The following CNBD1 variants were observed in gnomAD, a reference collection of about 807,000 sequenced individuals.
CNBD1 encodes cyclic nucleotide-binding domain-containing protein 1.
CNBD1 carries 71 observed loss-of-function variants against 54.4 expected under a neutral mutation model. The observed-to-expected ratio is 1.30, with a 90% CI of 1.08 to 1.59. CNBD1 has a LOEUF of 1.59. Among genes scored for constraint, CNBD1 ranks in the 40% most tolerant of loss-of-function variants. The pLI, the probability that CNBD1 is intolerant of heterozygous loss-of-function variation, is 0.00. For missense variants in CNBD1, 659 were observed against 518.0 expected (o/e 1.27, Z -2.64); for synonymous variants, 182 against 170.7 (o/e 1.07, Z -0.51).
At chr8:86,872,391 TATA>T (rs1347717603) in intron 1 of CNBD1, among the ~76,000 whole-genome samples, 2 of 152,190 alleles carry the variant, frequency 1.3e-5, no homozygotes, top group Admixed American at 6.5e-5. Flanking sequence ...ATTTATTAAT[TATA>T]ATCACATTTT....
At position 87,182,961 on chromosome 8, in the gene CNBD1, C is replaced by A. The variant is rs939826050; in HGVS notation, c.432-23032C>A. Among the ~76,000 whole-genome samples the A allele has an allele frequency of 9.9e-5, 15 of 152,134 alleles. No homozygotes were observed. Among genetic ancestry groups the A allele is most frequent in the Non-Finnish European group, 2.1e-4 (14 of 68,030 alleles). On this transcript the variant is annotated intron_variant, in intron 4 of 10. Coordinates refer to ENST00000518476, the MANE Select transcript of CNBD1 (RefSeq NM_173538.3). This position sits in a 1 kb window ranked among gnomAD's most constrained non-coding sequence, Gnocchi z 4.1. ...TTACAATTGCTTTTGGAGACTTTGA[C>A]ATGAAATTTTTGCTAAGTCCTATGT...
At chr8:86,869,724 T>C (rs1273095228) in intron 1 of CNBD1, among the ~76,000 whole-genome samples, 3 of 152,136 alleles carry the variant, frequency 2.0e-5, no homozygotes, top group Non-Finnish European at 2.9e-5. Context: ...AAAAACATCA[T>C]AGCTAACAAA....
intron 4 of CNBD1, among the ~76,000 whole-genome samples, chr8:87,051,221 A>G (rs1810304227): frequency 6.6e-6 from 1 of 152,168 alleles, no homozygotes; most frequent in South Asian, 2.1e-4. Context: ...CATCACAGTC[A>G]TGCTAGGGGA....
intron 8 of CNBD1, among the ~76,000 whole-genome samples, chr8:87,342,000 G>A (rs184947287): frequency 1.7e-4 from 26 of 152,280 alleles, no homozygotes; most frequent in Non-Finnish European, 1.5e-4. Flanking sequence ...TGGGCTTGGC[G>A]CAGTGGCTCA....
intron 8 of CNBD1, among the ~76,000 whole-genome samples, chr8:87,289,896 C>T (rs904294438): frequency 1.3e-5 from 2 of 152,060 alleles, no homozygotes; most frequent in East Asian, 3.9e-4. Context: ...CTCGAGGTGC[C>T]AGTGATTCAA....
intron 10 of CNBD1, among the ~76,000 whole-genome samples, chr8:87,363,525 T>G (rs1343346097): frequency 6.6e-6 from 1 of 152,176 alleles, no homozygotes; most frequent in Non-Finnish European, 1.5e-5. Flanking sequence ...GTAAGTTTCC[T>G]AACTTTTTAA....
chr8:86,894,720 CACT>C (rs1563813362), intron 2 of CNBD1, among the ~76,000 whole-genome samples: 1 of 152,090 alleles, frequency 6.6e-6, no homozygotes, highest in Non-Finnish European at 1.5e-5. Flanking sequence ...CCCTGACAAC[CACT>C]GATTTTTTTC....
At chr8:87,188,299 G>A (rs1813523297) in intron 4 of CNBD1, among the ~76,000 whole-genome samples, 1 of 152,158 alleles carries the variant, frequency 6.6e-6, no homozygotes, top group Non-Finnish European at 1.5e-5. Context: ...TGCATAAGTT[G>A]TGTTTAATGT....
rs1311535069 is a variant in CNBD1, at chr8:87,274,914, G to A, written c.772-9764G>A. 6.0e-5 allele frequency among the ~76,000 whole-genome samples: 8 copies of A among 134,248 alleles called. 1 individual carries two copies. Among genetic ancestry groups the A allele is most frequent in the Admixed American group, 1.4e-4 (2 of 14,008 alleles). 88.1% of individuals were successfully genotyped at this position (134,248 alleles called of 152,430 possible). A position where few individuals can be genotyped will look rare whatever the true frequency, so the allele number is the denominator to read the frequency against. ...GGGTTTTTATGGTTTTAGGTGTAAC[G>A]TTTAAGTCTTTAATCCATCTTGAAT... On this transcript the variant is annotated intron_variant, in intron 6 of 10. Coordinates refer to ENST00000518476, the MANE Select transcript of CNBD1 (RefSeq NM_173538.3).
intron 4 of CNBD1, among the ~76,000 whole-genome samples, chr8:86,993,971 G>A (rs1808811723): frequency 6.6e-6 from 1 of 152,170 alleles, no homozygotes; most frequent in Non-Finnish European, 1.5e-5. Context: ...GGACTACAGG[G>A]CTCTATTGGG....
intron 8 of CNBD1, among the ~76,000 whole-genome samples, chr8:87,294,771 G>T: frequency 6.6e-6 from 1 of 151,760 alleles, no homozygotes; most frequent in South Asian, 2.1e-4. Context: ...GCTTCTTATG[G>T]GCCTGTTTAC....
intron 4 of CNBD1, among the ~76,000 whole-genome samples, chr8:86,999,340 T>G (rs1808945528): frequency 6.6e-6 from 1 of 152,206 alleles, no homozygotes; most frequent in African/African-American, 2.4e-5. Context: ...TGTTTTCTTC[T>G]AGGGCTTCTG....
intron 4 of CNBD1, among the ~76,000 whole-genome samples, chr8:87,097,892 T>C (rs541239166): frequency 1.3e-5 from 2 of 152,324 alleles, no homozygotes; most frequent in South Asian, 4.1e-4. Context: ...ATTCTGACTG[T>C]TGTGACATAC....
At chr8:87,023,655 C>T (rs937948196) in intron 4 of CNBD1, among the ~76,000 whole-genome samples, 1 of 152,178 alleles carries the variant, frequency 6.6e-6, no homozygotes, top group African/African-American at 2.4e-5. Context: ...TTTTAACCAG[C>T]TCTTCCTTGT....
chr8:86,931,802 A>T (rs946225842), intron 3 of CNBD1, among the ~76,000 whole-genome samples: 3 of 152,248 alleles, frequency 2.0e-5, no homozygotes, highest in Middle Eastern at 3.4e-3. Flanking sequence ...CCCTCAAGGG[A>T]GTCAGGTTAC....
At chr8:87,150,657 A>C (rs1040132231) in intron 4 of CNBD1, among the ~76,000 whole-genome samples, 1 of 152,154 alleles carries the variant, frequency 6.6e-6, no homozygotes, top group African/African-American at 2.4e-5. Flanking sequence ...AGGCAGGTCG[A>C]TTTTTAAGCT....
chr8:87,016,544 G>A (rs1325797075), intron 4 of CNBD1, among the ~76,000 whole-genome samples: 1 of 151,638 alleles, frequency 6.6e-6, no homozygotes, highest in African/African-American at 2.4e-5. Flanking sequence ...GCAAAACCAT[G>A]TAACTATTTA....
At chr8:86,997,190 A>G (rs1808892982) in intron 4 of CNBD1, among the ~76,000 whole-genome samples, 1 of 152,226 alleles carries the variant, frequency 6.6e-6, no homozygotes, top group Admixed American at 6.5e-5. Flanking sequence ...ATTAACAGAC[A>G]TGAACAGTGT....
At chr8:86,878,672 T>C (rs912457714) in intron 1 of CNBD1, among the ~76,000 whole-genome samples, 1 of 152,184 alleles carries the variant, frequency 6.6e-6, no homozygotes, top group Non-Finnish European at 1.5e-5. Context: ...AGTCTGTCCA[T>C]GTCTGAACAT....
Sources: allele counts gnomAD v4.1 joint callset (sites outside exome capture counted in the v4.1 genomes callset), GRCh38; gene constraint gnomAD v4.1.1; non-coding constraint Gnocchi (gnomAD v3.1); transcripts MANE v1.5; gene names NCBI Gene and HGNC (gene_info 2026-07-23, HGNC 2026-07-21).